Variants in MLIP observed in about 807,000 individuals in gnomAD.
MLIP encodes the protein muscular LMNA interacting protein.
Under a neutral mutation model 84.8 loss-of-function variants are expected in MLIP, and 79 were observed. The ratio of observed to expected loss-of-function variants is 0.93; its 90% confidence interval spans 0.78 to 1.12. The LOEUF (loss-of-function observed/expected upper bound fraction) is 1.12, where lower values mean the gene tolerates loss of function less well. Among genes scored for constraint, MLIP ranks in the 50% most tolerant of loss-of-function variants. The pLI is 0.00. For synonymous variants in MLIP, 504 were observed against 463.0 expected (o/e 1.09, Z -1.14); for missense variants, 1,257 against 1,160.6 (o/e 1.08, Z -1.21).
At chr6:54,139,144 T>C (rs1772079271) in intron 4 of MLIP, among the ~76,000 whole-genome samples, 1 of 152,178 alleles carries the variant, frequency 6.6e-6, no homozygotes, top group African/African-American at 2.4e-5. Context: ...TGTGTGTGGT[T>C]TCTTTTAAAG....
chr6:54,035,640 T>C (rs1191327687), intron 1 of MLIP, among the ~76,000 whole-genome samples: 3 of 152,160 alleles, frequency 2.0e-5, no homozygotes, highest in East Asian at 1.9e-4. Flanking sequence ...GGTATTATTA[T>C]TTTTTGTTTT....
In MLIP at chr6:54,160,727, CT is replaced by C. The variant is rs577497785; in HGVS notation, c.2440-4del. The C allele has an allele frequency of 2.1e-4, 321 of 1,534,146 alleles. No homozygotes were observed. The highest frequency in any genetic ancestry group is 2.4e-4 in the Non-Finnish European group (271 of 1,110,860). ...TTTTCTCTTCTTCTTTCCTTCCTTTCTTTTTTTTTCAGCATTCTTCTGATTC... is the reference window on the plus strand; with the variant it reads ...TTTTCTCTTCTTCTTTCCTTCCTTTCTTTTTTTTCAGCATTCTTCTGATTC... On this transcript the variant is annotated splice_polypyrimidine_tract_variant and intron_variant, in intron 7 of 13. Transcript: ENST00000502396.
chr6:54,030,091 A>G (rs192657005), intron 1 of MLIP, among the ~76,000 whole-genome samples: 136 of 152,326 alleles, frequency 8.9e-4, no homozygotes, highest in African/African-American at 3.1e-3. Flanking sequence ...GAAAAAAACC[A>G]CATATGATTT....
intron 11 of MLIP, among the ~76,000 whole-genome samples, chr6:54,214,892 C>T (rs192383762): frequency 2.0e-5 from 3 of 152,246 alleles, no homozygotes; most frequent in Admixed American, 1.3e-4. Context: ...GGTGTTGCTA[C>T]TTCTCTGTCT....
chr6:54,094,754 C>T (rs1768097262), intron 1 of MLIP, among the ~76,000 whole-genome samples: 1 of 152,078 alleles, frequency 6.6e-6, no homozygotes, highest in African/African-American at 2.4e-5. Context: ...CCAAATGTGT[C>T]TTAAAGTAAA....
At chr6:54,152,611 A>G (rs1773565737) in intron 5 of MLIP, among the ~76,000 whole-genome samples, 1 of 152,122 alleles carries the variant, frequency 6.6e-6, no homozygotes, top group Admixed American at 6.6e-5. Flanking sequence ...CCCTCCCACA[A>G]CACATGGGAA....
At chr6:54,249,052 T>C (rs1582621662) in intron 12 of MLIP, among the ~76,000 whole-genome samples, 1 of 152,112 alleles carries the variant, frequency 6.6e-6, no homozygotes, top group Non-Finnish European at 1.5e-5. Flanking sequence ...GAGTTCATTT[T>C]ACCATCCCCA....
Position 54,230,026 on chromosome 6 carries a change from C to T in MLIP, c.2719-688C>T, listed in dbSNP as rs1463334501. On this transcript the variant is annotated intron_variant, in intron 11 of 13. Transcript: ENST00000502396. ...TTCCTACTTCCTCAAAGCCACTCAT[C>T]GTTTTTCCATGTTGAAGACCCACTT... 1.8e-4 allele frequency among the ~76,000 whole-genome samples: 28 copies of T among 152,254 alleles called. No individual in the cohort carries two copies. The East Asian group carries it at 2.9e-3, about 16-fold the overall frequency.
chr6:54,113,661 A>G (rs1317238006), intron 1 of MLIP, among the ~76,000 whole-genome samples: 3 of 151,786 alleles, frequency 2.0e-5, no homozygotes, highest in East Asian at 2.0e-4. Flanking sequence ...TTCCTTTCAT[A>G]TACTCAGTCT....
At chr6:54,077,080 T>C (rs960937429) in intron 1 of MLIP, among the ~76,000 whole-genome samples, 9 of 152,200 alleles carry the variant, frequency 5.9e-5, no homozygotes, top group Non-Finnish European at 1.3e-4. Context: ...GCCTGTTGCT[T>C]TGCCAGATAT....
chr6:54,131,505 G>A (rs816370), intron 3 of MLIP, among the ~76,000 whole-genome samples: 27,549 of 151,888 alleles, frequency 0.18, 2,878 homozygotes, highest in African/African-American at 0.27. Context: ...CTTCACCTCT[G>A]TCATATTCTA....
intron 12 of MLIP, among the ~76,000 whole-genome samples, chr6:54,250,815 T>A (rs1471082735): frequency 6.6e-6 from 1 of 152,108 alleles, no homozygotes; most frequent in Non-Finnish European, 1.5e-5. Flanking sequence ...TGAGGTAGCA[T>A]CCCTGAAATT....
chr6:54,081,421 A>G (rs928903506), intron 1 of MLIP, among the ~76,000 whole-genome samples: 4 of 151,758 alleles, frequency 2.6e-5, no homozygotes, highest in Non-Finnish European at 5.9e-5. Flanking sequence ...TGTTTTTGTT[A>G]TTTGAGACAG....
At position 54,137,885 on chromosome 6, in the gene MLIP, T is replaced by C; in HGVS notation, c.1816T>C (p.Ser606Pro). 6.5e-7 allele frequency: 1 copy of C among 1,536,086 alleles called. No individual in the cohort carries two copies. ...PPINQRATFS[S>P]SEKCFHPSPA... is the part of the protein sequence containing the mutation. ...TATTAATCAAAGAGCTACGTTCTCT[T>C]CTTCAGAGAAATGTTTCCATCCTTC... Residue 606 changes from serine (S) to proline (P), a missense_variant, in exon 4 of 14, where the codon TCT becomes CCT. Ser to Pro is a moderately conservative substitution (Grantham distance 74). Coordinates refer to ENST00000502396, the MANE Select transcript of MLIP (RefSeq NM_001281747.2).
intron 1 of MLIP, among the ~76,000 whole-genome samples, chr6:54,081,461 G>A (rs1422305944): frequency 6.6e-6 from 1 of 152,132 alleles, no homozygotes; most frequent in Non-Finnish European, 1.5e-5. Context: ...AGGCTGGAGT[G>A]CAATGGCGCG....
chr6:54,024,680 T>G lies in MLIP; in HGVS notation c.63+5589T>G, dbSNP rs1037706741. ...TACATTATGATATAATAATGATAGG[T>G]TTTAGCCGCTCAGAAACATTCTAAG... On this transcript the variant is annotated intron_variant, in intron 1 of 12. Coordinates refer to the MLIP transcript ENST00000274897. Among the ~76,000 whole-genome samples the G allele has an allele frequency of 2.6e-5, 4 of 152,156 alleles. 1 individual carries two copies. Among genetic ancestry groups the G allele is most frequent in the African/African-American group, 9.7e-5 (4 of 41,432 alleles).
intron 4 of MLIP, among the ~76,000 whole-genome samples, chr6:54,141,722 T>G (rs1772332052): frequency 6.6e-6 from 1 of 152,220 alleles, no homozygotes; most frequent in African/African-American, 2.4e-5. Context: ...TCTGCCTTCA[T>G]TTATAAAAGA....
intron 1 of MLIP, among the ~76,000 whole-genome samples, chr6:54,098,219 G>C (rs1158824746): frequency 3.4e-5 from 5 of 147,128 alleles, no homozygotes; most frequent in Admixed American, 6.9e-5. Flanking sequence ...GAAGTGGCAC[G>C]ATCATAGCTC....
intron 4 of MLIP, among the ~76,000 whole-genome samples, chr6:54,147,541 A>T (rs1772984526): frequency 6.6e-6 from 1 of 152,118 alleles, no homozygotes; most frequent in Non-Finnish European, 1.5e-5. Flanking sequence ...GAGTTAAGAG[A>T]CTTGCAGAAA....
Sources: allele counts gnomAD v4.1 joint callset (sites outside exome capture counted in the v4.1 genomes callset), GRCh38; gene constraint gnomAD v4.1.1; transcripts MANE v1.5; gene names NCBI Gene and HGNC (gene_info 2026-07-23, HGNC 2026-07-21).